WFDC8: variants seen among roughly 807,000 people sequenced by gnomAD.
WFDC8 encodes the protein WAP four-disulfide core domain 8.
Under a neutral mutation model 27.0 loss-of-function variants are expected in WFDC8, and 24 were observed. The ratio of observed to expected loss-of-function variants is 0.89; its 90% confidence interval spans 0.64 to 1.25. The LOEUF (loss-of-function observed/expected upper bound fraction) is 1.25. Among genes scored for constraint, WFDC8 ranks in the 50% most tolerant of loss-of-function variants. WFDC8 has a pLI of 0.00. For synonymous variants in WFDC8, 106 were observed against 99.7 expected, an observed-to-expected ratio of 1.06 and a Z score of -0.38; for missense variants, 287 against 295.9, an observed-to-expected ratio of 0.97 and a Z score of 0.22.
At chr20:45,555,529 G>A (rs531366131) in intron 4 of WFDC8, among the ~76,000 whole-genome samples, 172 bp downstream of exon 4, 205 of 152,220 alleles carry the variant, frequency 1.3e-3, no homozygotes, top group African/African-American at 4.7e-3. Flanking sequence ...CTATAGACAA[G>A]GAAACTGAAG....
chr20:45,551,471 TACAAAA>T (rs1980030169), downstream of WFDC8: 1 of 151,712 alleles, frequency 6.6e-6, no homozygotes, highest in African/African-American at 2.4e-5. Context: ...CTACTAAAAA[TACAAAA>T]AATTAGCTGG....
intron 3 of WFDC8, among the ~76,000 whole-genome samples, chr20:45,557,602 T>G (rs1980309434): frequency 6.6e-6 from 1 of 152,076 alleles, no homozygotes; most frequent in South Asian, 2.1e-4. Flanking sequence ...CCAGCTAATT[T>G]TTGTATTTTT....
chr20:45,558,873 T>C lies in WFDC8; in HGVS notation c.256A>G (p.Lys86Glu). ...QKCCFFACQK[K>E]CMDPFQEPCM... ...CTACCTTGAAAGGGATCCATGCACT[T>C]CTTCTGACAGGCAAAAAAGCAGCAC... Residue 86 changes from lysine (K) to glutamate (E), a missense_variant, in exon 3 of 6, where the codon AAG (lysine) becomes GAG (glutamate). Coordinates refer to ENST00000289953, the MANE Select transcript of WFDC8 (RefSeq NM_130896.3). 6.2e-7 allele frequency: 1 copy of C among 1,614,158 alleles called. No individual in the cohort carries two copies. Among genetic ancestry groups the C allele is most frequent in the Non-Finnish European group, 8.5e-7 (1 of 1,180,014 alleles).
intron 4 of WFDC8, 30 bp downstream of exon 4, chr20:45,555,671 A>T: frequency 6.2e-7 from 1 of 1,610,522 alleles, no homozygotes; most frequent in South Asian, 1.1e-5. Context: ...GTTAAACTAG[A>T]CCCTCAGATT....
At chr20:45,561,895 C>T (rs1296755502) in intron 2 of WFDC8, among the ~76,000 whole-genome samples, 1 of 151,834 alleles carries the variant, frequency 6.6e-6, no homozygotes, top group Non-Finnish European at 1.5e-5. Context: ...AGTCTCCTTA[C>T]ATATATAAAA....
At chr20:45,553,998 C>G (rs189622001) in intron 4 of WFDC8, among the ~76,000 whole-genome samples, 2 of 152,102 alleles carry the variant, frequency 1.3e-5, no homozygotes, top group Admixed American at 1.3e-4. Context: ...TTATGTTGAG[C>G]TTATTTTTCT....
chr20:45,573,462 C>G (rs1283973946), intron 1 of WFDC8, among the ~76,000 whole-genome samples: 2 of 152,152 alleles, frequency 1.3e-5, no homozygotes, highest in Non-Finnish European at 2.9e-5. Flanking sequence ...CTCCTACACT[C>G]CGCCCTTCTG....
At position 45,579,204 on chromosome 20, in the gene WFDC8, C is replaced by G. The variant is rs754129114; in HGVS notation, c.26+18G>C. On this transcript the variant is annotated intron_variant, in intron 1 of 5. Transcript: ENST00000289953. ...CCCTCCATGTCTGGCTACCCACCCC[C>G]ATAGACACCCTCCTCACCCTCCTTC... 1 of 1,613,632 alleles carries G rather than the reference C, an allele frequency of 6.2e-7. No homozygotes were observed. The highest frequency in any genetic ancestry group is 1.1e-5 in the South Asian group (1 of 91,050).
At chr20:45,578,582 T>C (rs1347383371) in intron 1 of WFDC8, among the ~76,000 whole-genome samples, 2 of 141,838 alleles carry the variant, frequency 1.4e-5, no homozygotes, top group Non-Finnish European at 1.6e-5. Flanking sequence ...CATACTCCAA[T>C]AGGCAAAGCA....
rs1039500304 is a variant in WFDC8, at chr20:45,567,414, G to A, written c.27-5195C>T. 2.6e-5 allele frequency among the ~76,000 whole-genome samples: 4 copies of A among 152,082 alleles called. No individual in the cohort carries two copies. In the South Asian group the frequency reaches 6.2e-4, roughly 24 times the overall value. ...GCCAAATACCAGTGTAAATTAACACGCTTACATACACAGATATGTGAAAAT... is the reference window on the plus strand; with the variant it reads ...GCCAAATACCAGTGTAAATTAACACACTTACATACACAGATATGTGAAAAT... On this transcript the variant is annotated intron_variant, in intron 1 of 5. Coordinates refer to ENST00000289953, the MANE Select transcript of WFDC8 (RefSeq NM_130896.3).
chr20:45,575,430 A>AAGGAAAGATGGAATGAATAGTTGTGAAT (rs1340726094), intron 1 of WFDC8, among the ~76,000 whole-genome samples: 26 of 151,934 alleles, frequency 1.7e-4, no homozygotes, highest in South Asian at 2.1e-4. Flanking sequence ...ATAGCATAAA[A>AAGGAAAGATGGAATGAATAGTTGTGAAT]AATACTTAGG....
At chr20:45,571,081 T>A (rs1980850943) in intron 1 of WFDC8, among the ~76,000 whole-genome samples, 1 of 151,970 alleles carries the variant, frequency 6.6e-6, no homozygotes, top group South Asian at 2.1e-4. Flanking sequence ...GAACCTACTT[T>A]AAAAAAAAGT....
At chr20:45,566,276 G>A (rs1431335002) in intron 1 of WFDC8, among the ~76,000 whole-genome samples, 2 of 151,990 alleles carry the variant, frequency 1.3e-5, no homozygotes, top group East Asian at 1.9e-4. Flanking sequence ...TTGAAGGAGT[G>A]TTTAATCAAG....
rs1023322220 is a variant in WFDC8 at position 45,562,322 on chromosome 20, C to T, written c.27-103G>A. ...GATGATCCACCAGGTCCCTTTAGTT[C>T]ACAGGTAAGAAGACTGACACCAGCA... On this transcript the variant is annotated intron_variant, in intron 1 of 5. Coordinates refer to ENST00000289953, the MANE Select transcript of WFDC8 (RefSeq NM_130896.3). 1.8e-5 allele frequency: 16 copies of T among 910,630 alleles called. No individual in the cohort carries two copies. The Admixed American group carries it at 2.1e-4, about 12-fold the overall frequency. The allele number at this position is 910,630 out of a possible 1,614,324, so 56.4% of individuals were successfully genotyped here. A position where few individuals can be genotyped will look rare whatever the true frequency, so the allele number is the denominator to read the frequency against.
At chr20:45,570,626 T>C (rs1222357617) in intron 1 of WFDC8, among the ~76,000 whole-genome samples, 1 of 152,208 alleles carries the variant, frequency 6.6e-6, no homozygotes, top group Admixed American at 6.5e-5. Context: ...AACATTCGTA[T>C]AGAGGTATTT....
At chr20:45,564,502 T>C (rs1600893349) in intron 1 of WFDC8, among the ~76,000 whole-genome samples, 1 of 152,142 alleles carries the variant, frequency 6.6e-6, no homozygotes, top group East Asian at 1.9e-4. Flanking sequence ...AAATCCCGTC[T>C]ATACTAAACA....
chr20:45,562,648 C>T (rs761163254), intron 1 of WFDC8, among the ~76,000 whole-genome samples: 13 of 152,160 alleles, frequency 8.5e-5, no homozygotes, highest in South Asian at 2.1e-4. Context: ...TCCCAGAGGG[C>T]CTGGGCACAC....
Position 45,551,976 on chromosome 20 carries a change from C to T in WFDC8, c.*50G>A, listed in dbSNP as rs1446867630. Reference sequence around the variant, plus strand: ...CAAGACAAAACTGACAGCTCTTTATCATGCTACTCATAATTAATGATTTTG... The same window carrying T: ...CAAGACAAAACTGACAGCTCTTTATTATGCTACTCATAATTAATGATTTTG... On this transcript the variant is annotated 3_prime_UTR_variant, in exon 6 of 6. Coordinates refer to ENST00000289953, the MANE Select transcript of WFDC8 (RefSeq NM_130896.3). 1 of 1,595,734 alleles carries T rather than the reference C, an allele frequency of 6.3e-7. No homozygotes were observed. Among genetic ancestry groups the T allele is most frequent in the Non-Finnish European group, 8.6e-7 (1 of 1,169,214 alleles).
intron 1 of WFDC8, among the ~76,000 whole-genome samples, chr20:45,570,011 A>G (rs546636262): frequency 4.5e-4 from 68 of 152,310 alleles, no homozygotes; most frequent in African/African-American, 1.6e-3. Flanking sequence ...ATAGAAGGGA[A>G]CAACAGACAC....
Sources: allele counts gnomAD v4.1 joint callset (sites outside exome capture counted in the v4.1 genomes callset), GRCh38; gene constraint gnomAD v4.1.1; transcripts MANE v1.5; gene names NCBI Gene and HGNC (gene_info 2026-07-23, HGNC 2026-07-21).